SATB1: variants seen among roughly 807,000 people sequenced by gnomAD.
SATB1 encodes the protein DNA-binding protein SATB1.
In SATB1, 11 loss-of-function variants were observed where a neutral mutation model predicts 86.9. The ratio of observed to expected loss-of-function variants is 0.13; its 90% confidence interval spans 0.08 to 0.21. The LOEUF (loss-of-function observed/expected upper bound fraction) is 0.21. Among genes scored for constraint, SATB1 ranks in the 10% least tolerant of loss-of-function variants. The pLI is 1.00. For missense variants in SATB1, 551 were observed against 937.6 expected (o/e 0.59, Z 5.39); for synonymous variants, 357 against 357.2 (o/e 1.00, Z 0.01).
At chr3:18,361,407 ATTG>A (rs1694900284) in intron 9 of SATB1, among the ~76,000 whole-genome samples, 2 of 152,130 alleles carry the variant, frequency 1.3e-5, no homozygotes, top group African/African-American at 4.8e-5. Context: ...TTATTATTTT[ATTG>A]TTGTTATTAT....
chr3:18,386,639 G>C lies in SATB1; in HGVS notation c.1207-28C>G, dbSNP rs1458746253. ...GCAAGAAATGAAAGGCACAGGGTGA[G>C]CCTGCTGCCTTGCTTTGCCTGGCCA... On this transcript the variant is annotated intron_variant, in intron 7 of 10. Transcript: ENST00000338745. This position sits in a 1 kb window ranked among gnomAD's most constrained non-coding sequence, Gnocchi z 4.5. 15 of 1,584,500 alleles carry C rather than the reference G, an allele frequency of 9.5e-6. No homozygotes were observed. Among genetic ancestry groups the C allele is most frequent in the Non-Finnish European group, 1.3e-5 (15 of 1,153,696 alleles).
At chr3:18,419,815 C>T (rs1698299018) in intron 2 of SATB1, among the ~76,000 whole-genome samples, 1 of 152,178 alleles carries the variant, frequency 6.6e-6, no homozygotes, top group Non-Finnish European at 1.5e-5. Context: ...ATACGGACTG[C>T]TGTGTCTGTT....
At chr3:18,358,791 T>G (rs1451048274) in intron 9 of SATB1, among the ~76,000 whole-genome samples, 1 of 152,068 alleles carries the variant, frequency 6.6e-6, no homozygotes, top group Non-Finnish European at 1.5e-5. Context: ...ATTCTTAACT[T>G]CTAAACTGTT....
chr3:18,417,699 T>G (rs1698190729), intron 2 of SATB1: 6 of 698,210 alleles, frequency 8.6e-6, no homozygotes, highest in Non-Finnish European at 1.3e-5. Flanking sequence ...AATTTCAATA[T>G]CTGCATAATG....
chr3:18,395,016 C>A (rs1696893023), intron 6 of SATB1, 100 bp from the exon 7 acceptor site: 2 of 936,416 alleles, frequency 2.1e-6, no homozygotes, highest in East Asian at 2.7e-5. Flanking sequence ...AGGCACAGGG[C>A]ACACCCCAAA....
intron 5 of SATB1, among the ~76,000 whole-genome samples, chr3:18,398,077 A>G (rs1697056568): frequency 6.6e-6 from 1 of 152,218 alleles, no homozygotes; most frequent in African/African-American, 2.4e-5. Flanking sequence ...TAAATTTCTC[A>G]AGGATACCAC....
chr3:18,374,601 CT>C (rs1165916994), intron 9 of SATB1, among the ~76,000 whole-genome samples: 7 of 152,088 alleles, frequency 4.6e-5, no homozygotes, highest in Admixed American at 2.6e-4. Flanking sequence ...TCAGTTTTTA[CT>C]TGCATATTTT....
Position 18,348,657 on chromosome 3 carries a change from CAT to C in SATB1, c.*511_*512del, listed in dbSNP as rs1254948399. The stretch of plus-strand genomic sequence containing the variant: ...CCATATAATACAAGGCATTTGTTGG[CAT>C]ATGTCATCTTTAAACTGCATTCCAC... On this transcript the variant is annotated 3_prime_UTR_variant, in exon 11 of 11. Transcript: ENST00000338745. The C allele has an allele frequency of 3.9e-5, 6 of 152,350 alleles. No homozygotes were observed. Among genetic ancestry groups the C allele is most frequent in the Non-Finnish European group, 1.5e-5 (1 of 68,168 alleles). 9.4% of individuals were successfully genotyped at this position (152,350 alleles called of 1,614,324 possible).
chr3:18,415,838 C>T (rs1021252808), intron 4 of SATB1, among the ~76,000 whole-genome samples, 169 bp downstream of exon 4: 1 of 151,668 alleles, frequency 6.6e-6, no homozygotes, highest in Non-Finnish European at 1.5e-5. Flanking sequence ...TTAAATTATA[C>T]ATTGAAGTTA....
chr3:18,355,337 T>C (rs796163062), intron 9 of SATB1, among the ~76,000 whole-genome samples: 51 of 152,232 alleles, frequency 3.4e-4, no homozygotes, highest in African/African-American at 1.2e-3. Context: ...TGGAATATTT[T>C]GACTACCTCA....
intron 5 of SATB1, among the ~76,000 whole-genome samples, chr3:18,399,920 G>A (rs536387390): frequency 6.6e-6 from 1 of 152,098 alleles, no homozygotes; most frequent in South Asian, 2.1e-4. Flanking sequence ...ATGTGTGTGG[G>A]CGTGGGCGTG....
chr3:18,441,539 G>C (rs1559471395), upstream of SATB1, among the ~76,000 whole-genome samples: 3 of 152,080 alleles, frequency 2.0e-5, no homozygotes, highest in African/African-American at 4.8e-5. Flanking sequence ...ATTAATTACA[G>C]CCATCCAAGA....
At chr3:18,359,785 C>T (rs1474068327) in intron 9 of SATB1, among the ~76,000 whole-genome samples, 1 of 151,630 alleles carries the variant, frequency 6.6e-6, no homozygotes, top group African/African-American at 2.4e-5. Flanking sequence ...ATTTTCTCCT[C>T]ATTCTTCATA....
intron 2 of SATB1, among the ~76,000 whole-genome samples, chr3:18,419,744 T>TA (rs1179345065): frequency 6.6e-6 from 1 of 152,156 alleles, no homozygotes; most frequent in African/African-American, 2.4e-5. Flanking sequence ...TAATCATGAG[T>TA]AGAGGCCAAA....
At chr3:18,439,215 G>A (rs886798407), upstream of SATB1, among the ~76,000 whole-genome samples, 2 of 152,070 alleles carry the variant, frequency 1.3e-5, no homozygotes, top group Non-Finnish European at 1.5e-5. Context: ...CTACATCACC[G>A]CATAAACTGA....
chr3:18,412,425 G>C (rs1697901063), intron 5 of SATB1, among the ~76,000 whole-genome samples: 1 of 152,018 alleles, frequency 6.6e-6, no homozygotes, highest in Admixed American at 6.6e-5. Flanking sequence ...TGCCCACAGG[G>C]TGAACTTTCT....
In SATB1 at chr3:18,352,248, T is replaced by C; in HGVS notation, c.1576-53A>G. ...TTTGTGCCTATGAGAGGGGCTGGCA[T>C]TTTCCATTAGGAGCTAAAAAGGAAA... On this transcript the variant is annotated intron_variant, in intron 9 of 10. Coordinates refer to ENST00000338745, the MANE Select transcript of SATB1 (RefSeq NM_002971.6). This position sits in a 1 kb window ranked among gnomAD's most constrained non-coding sequence, Gnocchi z 4.1. The C allele has an allele frequency of 6.5e-7, 1 of 1,529,812 alleles. No individual in the cohort carries two copies. The highest frequency in any genetic ancestry group is 9.0e-7 in the Non-Finnish European group (1 of 1,106,866). 94.8% of individuals were successfully genotyped at this position (1,529,812 alleles called of 1,614,324 possible).
chr3:18,444,860 G>C lies in SATB1; in HGVS notation c.-25+658C>G, dbSNP rs1699339746. On this transcript the variant is annotated intron_variant, in intron 1 of 3. Coordinates refer to the SATB1 transcript ENST00000415069. This position sits in a 1 kb window ranked among gnomAD's most constrained non-coding sequence, Gnocchi z 5.1. ...GAGGAGCGAGCGAGCGAGCGCGCGG[G>C]GCCAAGGGAAGGAAGAGAAGGAGGG... 6.8e-6 allele frequency: 1 copy of C among 146,236 alleles called. No homozygotes were observed. The highest frequency in any genetic ancestry group is 2.6e-5 in the African/African-American group (1 of 38,706). The allele number at this position is 146,236 out of a possible 1,614,324, so 9.1% of individuals were successfully genotyped here.
At chr3:18,355,670 A>C (rs1256240258) in intron 9 of SATB1, among the ~76,000 whole-genome samples, 2 of 152,014 alleles carry the variant, frequency 1.3e-5, no homozygotes, top group East Asian at 3.9e-4. Context: ...CCAACAAAAC[A>C]AAACAAAACA....
Sources: gnomAD v4.1 joint callset for allele counts (sites outside exome capture counted in the v4.1 genomes callset) on GRCh38, gnomAD v4.1.1 for gene constraint, Gnocchi (gnomAD v3.1) non-coding constraint, MANE v1.5 for transcripts, NCBI Gene and HGNC (gene_info 2026-07-23, HGNC 2026-07-21) for gene names.